The following COBL variants were observed in gnomAD, a reference collection of about 807,000 sequenced individuals.
COBL encodes the protein protein cordon-bleu.
Under a neutral mutation model 98.8 loss-of-function variants are expected in COBL, and 51 were observed. The observed-to-expected ratio is 0.52, with a 90% CI of 0.41 to 0.65. The LOEUF (loss-of-function observed/expected upper bound fraction) is 0.65. Ranked by LOEUF, COBL falls within the 30% of genes least tolerant of loss-of-function variation. The pLI, the probability that COBL is intolerant of heterozygous loss-of-function variation, is 0.00. For missense variants in COBL, 1,617 were observed against 1,617.5 expected (o/e 1.00, Z 0.01); for synonymous variants, 634 against 651.7 (o/e 0.97, Z 0.41).
chr7:51,151,097 T>C (rs973833305), intron 5 of COBL, among the ~76,000 whole-genome samples: 1 of 152,002 alleles, frequency 6.6e-6, no homozygotes, highest in Admixed American at 6.6e-5. Context: ...AAAACACAGC[T>C]CTTTCAGATG....
intron 1 of COBL, among the ~76,000 whole-genome samples, chr7:51,249,835 C>CA (rs1003400253): frequency 1.4e-4 from 22 of 152,250 alleles, no homozygotes; most frequent in African/African-American, 4.8e-4. Flanking sequence ...GAACATTTTT[C>CA]AAACACCTGT....
rs1787596182 is a variant in COBL, at chr7:51,026,620, T to C, written c.3430A>G (p.Thr1144Ala). The change falls in exon 11 of 13, where the codon ACG (threonine) becomes GCG (alanine). Residue 1144 changes from threonine (T) to alanine (A), a missense_variant. This residue lies in a region of COBL where 1,304 missense variants were observed against 1,282.0 expected (regional missense o/e 1.02). Coordinates refer to ENST00000265136, the MANE Select transcript of COBL (RefSeq NM_015198.5). ...GEGRPAKLSY[T>A]EAEGERSALL... ...GCAGATCGTTCGCCCTCTGCCTCCG[T>C]GTAGGACAGTTTCGCTGGCCTGCCC... 1 of 1,614,168 alleles carries C rather than the reference T, an allele frequency of 6.2e-7. No homozygotes were observed. Among genetic ancestry groups the C allele is most frequent in the African/African-American group, 1.3e-5 (1 of 75,074 alleles).
At chr7:51,187,329 TATAC>T (rs199522046) in intron 4 of COBL, among the ~76,000 whole-genome samples, 13,471 of 142,078 alleles carry the variant, frequency 0.095, 830 homozygotes, top group East Asian at 0.29. Context: ...TATATATATA[TATAC>T]ACACACACAC....
intron 1 of COBL, among the ~76,000 whole-genome samples, chr7:51,280,140 C>T (rs542415782): frequency 3.3e-5 from 5 of 152,192 alleles, no homozygotes; most frequent in Non-Finnish European, 5.9e-5. Context: ...GACCAGAATT[C>T]GAAGTACCAC....
Position 51,029,110 on chromosome 7 carries a change from G to C in COBL, c.1986C>G (p.Ala662=), listed in dbSNP as rs1333709295. ...YGCADGERTQ[A]TERVNSQPVN... is the part of the protein sequence containing the mutation. ...CCGGTTGGGAATTCACTCTCTCTGT[G>C]GCTTGAGTCCTCTCCCCGTCAGCAC... Residue 662 remains alanine (A), a synonymous_variant, in exon 10 of 13, where the codon GCC becomes GCG. Transcript: ENST00000265136. The C allele has an allele frequency of 6.2e-7, 1 of 1,613,982 alleles. No individual in the cohort carries two copies. Among genetic ancestry groups the C allele is most frequent in the East Asian group, 2.2e-5 (1 of 44,884 alleles).
chr7:51,119,481 A>G (rs559543728), intron 6 of COBL, among the ~76,000 whole-genome samples: 1 of 152,266 alleles, frequency 6.6e-6, no homozygotes, highest in South Asian at 2.1e-4. Flanking sequence ...AGGAGGAGGG[A>G]GCGAAGCTGT....
intron 1 of COBL, among the ~76,000 whole-genome samples, chr7:51,229,287 C>T (rs553790787): frequency 2.4e-4 from 36 of 152,298 alleles, no homozygotes; most frequent in African/African-American, 7.0e-4. Flanking sequence ...GCGGTGCCGG[C>T]GCCTGTACTC....
intron 1 of COBL, among the ~76,000 whole-genome samples, chr7:51,224,803 A>C (rs1794022859): frequency 6.6e-6 from 1 of 152,048 alleles, no homozygotes; most frequent in Non-Finnish European, 1.5e-5. Flanking sequence ...TTACAGGCAT[A>C]CCCGGCTACC....
intron 7 of COBL, among the ~76,000 whole-genome samples, chr7:51,075,473 G>T (rs575363763): frequency 2.0e-5 from 3 of 152,312 alleles, no homozygotes; most frequent in Admixed American, 1.3e-4. Flanking sequence ...CACTGAAATA[G>T]TAATGAAATG....
chr7:51,145,721 T>C (rs1247275853), intron 5 of COBL, among the ~76,000 whole-genome samples: 2 of 152,216 alleles, frequency 1.3e-5, no homozygotes, highest in African/African-American at 2.4e-5. Flanking sequence ...GCCAAAGTGC[T>C]TTCCACAGTG....
intron 1 of COBL, among the ~76,000 whole-genome samples, chr7:51,311,976 A>G (rs1803094782): frequency 6.6e-6 from 1 of 152,074 alleles, no homozygotes; most frequent in Non-Finnish European, 1.5e-5. Flanking sequence ...AACCTTCATA[A>G]TTAAATGTGG....
intron 3 of COBL, 33 bp downstream of exon 3, chr7:51,193,338 CACATTCAG>C: frequency 6.3e-7 from 1 of 1,578,058 alleles, no homozygotes; most frequent in Non-Finnish European, 8.7e-7. Flanking sequence ...GGACCTGCCA[CACATTCAG>C]ACACAGGTAT....
intron 1 of COBL, among the ~76,000 whole-genome samples, chr7:51,279,533 G>A (rs910961029): frequency 5.9e-5 from 9 of 152,210 alleles, no homozygotes; most frequent in South Asian, 2.1e-4. Context: ...GAGATTGCCC[G>A]TATTCCCTCT....
At chr7:51,307,504 G>C (rs1008878066) in intron 1 of COBL, among the ~76,000 whole-genome samples, 1 of 152,172 alleles carries the variant, frequency 6.6e-6, no homozygotes, top group Non-Finnish European at 1.5e-5. Context: ...ATGGCAACAG[G>C]CAAGTGGCTC....
intron 5 of COBL, among the ~76,000 whole-genome samples, chr7:51,158,006 A>G (rs1786363591): frequency 6.6e-6 from 1 of 152,220 alleles, no homozygotes; most frequent in African/African-American, 2.4e-5. Flanking sequence ...CTTAAAATAT[A>G]AAACTTTTAA....
chr7:51,279,593 G>C (rs1235358056), intron 1 of COBL, among the ~76,000 whole-genome samples: 2 of 152,122 alleles, frequency 1.3e-5, no homozygotes, highest in African/African-American at 4.8e-5. Flanking sequence ...CACCAGACTG[G>C]AACATCTGTT....
At chr7:51,238,452 T>C (rs2129117573) in intron 1 of COBL, among the ~76,000 whole-genome samples, 1 of 152,170 alleles carries the variant, frequency 6.6e-6, no homozygotes, top group South Asian at 2.1e-4. Flanking sequence ...TGTGAAAACC[T>C]CTCTTCAGTT....
At chr7:51,094,095 G>A (rs977602106) in intron 6 of COBL, among the ~76,000 whole-genome samples, 14 of 152,022 alleles carry the variant, frequency 9.2e-5, no homozygotes, top group Middle Eastern at 6.8e-3. Context: ...GGTGGAACTG[G>A]AGGACATTAT....
chr7:51,173,299 G>C (rs1415861624), intron 5 of COBL, among the ~76,000 whole-genome samples: 2 of 152,048 alleles, frequency 1.3e-5, no homozygotes, highest in Non-Finnish European at 2.9e-5. Context: ...TCCTGCCTCA[G>C]CCTCCCGAGT....
Sources: allele counts gnomAD v4.1 joint callset (sites outside exome capture counted in the v4.1 genomes callset), GRCh38; gene constraint gnomAD v4.1.1; regional missense constraint gnomAD v4.1.1; transcripts MANE v1.5; gene names NCBI Gene and HGNC (gene_info 2026-07-23, HGNC 2026-07-21).